Variants in ABLIM1 observed in about 807,000 individuals in gnomAD.
ABLIM1 encodes the protein actin-binding LIM protein 1.
ABLIM1 carries 40 observed loss-of-function variants against 107.0 expected under a neutral mutation model. The ratio of observed to expected loss-of-function variants is 0.37; its 90% CI spans 0.29 to 0.49. The LOEUF is 0.49. ABLIM1 is among the 20% of genes least tolerant of loss of function. The pLI is 0.97. For missense variants in ABLIM1, 857 were observed against 1,008.5 expected, an observed-to-expected ratio of 0.85 and a Z score of 2.04; for synonymous variants, 357 against 357.3, an observed-to-expected ratio of 1.00 and a Z score of 0.01.
intron 6 of ABLIM1, among the ~76,000 whole-genome samples, chr10:114,517,548 G>A (rs2063056161): frequency 6.6e-6 from 1 of 152,092 alleles, no homozygotes; most frequent in Non-Finnish European, 1.5e-5. Context: ...CCAAGTTTGT[G>A]GTGATCTATG....
At chr10:114,579,520 AATT>A (rs1193030953) in intron 2 of ABLIM1, among the ~76,000 whole-genome samples, 3 of 152,210 alleles carry the variant, frequency 2.0e-5, no homozygotes, top group African/African-American at 7.2e-5. Flanking sequence ...GAGGGTAAAG[AATT>A]ATTAATTTTT....
Position 114,743,031 on chromosome 10 carries a change from TGTTA to T in ABLIM1, c.-213+25026_-213+25029del, listed in dbSNP as rs566824073. Among the ~76,000 whole-genome samples, 255 of 152,332 alleles carry T rather than the reference TGTTA, an allele frequency of 1.7e-3. 1 individual carries two copies. The highest frequency in any genetic ancestry group is 2.4e-3 in the Non-Finnish European group (163 of 68,034). ...GCTTGGCACATTGTATCTCAAAAAA[TGTTA>T]GTTTGTTTTTGTAATTATTACCATT... On this transcript the variant is annotated intron_variant, in intron 1 of 15. Transcript: ENST00000651092.
intron 19 of ABLIM1, among the ~76,000 whole-genome samples, chr10:114,440,362 T>C (rs2060010533): frequency 6.6e-6 from 1 of 152,186 alleles, no homozygotes; most frequent in Non-Finnish European, 1.5e-5. Flanking sequence ...GCATCTCTGA[T>C]CCCAATGTTC....
chr10:114,583,446 C>A (rs952722612), intron 2 of ABLIM1, among the ~76,000 whole-genome samples: 1 of 41,560 alleles, frequency 2.4e-5, no homozygotes, highest in Non-Finnish European at 4.6e-5. Context: ...CACACACACA[C>A]ACACACACAC....
chr10:114,762,042 C>CA (rs1056524723), intron 1 of ABLIM1, among the ~76,000 whole-genome samples: 1 of 148,986 alleles, frequency 6.7e-6, no homozygotes, highest in Non-Finnish European at 1.5e-5. Context: ...TCAGGATATC[C>CA]TTTTTTTTTG....
At chr10:114,471,170 C>T (rs1227278970) in intron 10 of ABLIM1, among the ~76,000 whole-genome samples, 3 of 152,214 alleles carry the variant, frequency 2.0e-5, no homozygotes, top group Non-Finnish European at 2.9e-5. Flanking sequence ...GCTGGTATTA[C>T]GGACATGAGT....
At chr10:114,470,633 T>A (rs962125473) in intron 10 of ABLIM1, among the ~76,000 whole-genome samples, 1 of 152,200 alleles carries the variant, frequency 6.6e-6, no homozygotes, top group Non-Finnish European at 1.5e-5. Context: ...TTCCAGGTTA[T>A]GACAGTAAGT....
At chr10:114,566,114 CAGACTAGA>C (rs1338706728) in intron 4 of ABLIM1, among the ~76,000 whole-genome samples, 1 of 152,056 alleles carries the variant, frequency 6.6e-6, no homozygotes, top group Non-Finnish European at 1.5e-5. Flanking sequence ...TCAATTCAGT[CAGACTAGA>C]GCATTTGTCT....
intron 2 of ABLIM1, among the ~76,000 whole-genome samples, chr10:114,583,985 G>A (rs2073908952): frequency 6.6e-6 from 1 of 151,994 alleles, no homozygotes; most frequent in South Asian, 2.1e-4. Flanking sequence ...AAGCAGGCAG[G>A]GAAAGGTAGA....
intron 11 of ABLIM1, 149 bp downstream of exon 11, chr10:114,468,032 G>A (rs985695953): frequency 5.4e-5 from 37 of 679,560 alleles, no homozygotes; most frequent in South Asian, 4.3e-4. Flanking sequence ...CCTCTTTCAC[G>A]GAGGTAATCC....
chr10:114,776,306 T>A, the ABLIM1 span: 34 of 152,182 alleles, frequency 2.2e-4, no homozygotes, highest in African/African-American at 8.0e-4. Flanking sequence ...AAGCATATTT[T>A]TTCCTTTGTT....
At chr10:114,564,686 G>A (rs1032785102) in intron 4 of ABLIM1, among the ~76,000 whole-genome samples, 1 of 152,110 alleles carries the variant, frequency 6.6e-6, no homozygotes, top group Non-Finnish European at 1.5e-5. Context: ...TACAGACGAG[G>A]GCGCTGAGTT....
chr10:114,669,064 T>G (rs927563784), intron 1 of ABLIM1, among the ~76,000 whole-genome samples: 1 of 152,246 alleles, frequency 6.6e-6, no homozygotes, highest in Non-Finnish European at 1.5e-5. Flanking sequence ...TTAAAATGAA[T>G]CTTTCATTTA....
intron 6 of ABLIM1, among the ~76,000 whole-genome samples, chr10:114,493,569 A>G (rs1281093017): frequency 6.6e-6 from 1 of 152,230 alleles, no homozygotes; most frequent in Non-Finnish European, 1.5e-5. Flanking sequence ...TATAAAGATC[A>G]CGAATACAAA....
chr10:114,698,408 T>TAAAAAAAAA (rs34629916), intron 1 of ABLIM1, among the ~76,000 whole-genome samples: 2 of 116,928 alleles, frequency 1.7e-5, no homozygotes, highest in Non-Finnish European at 3.7e-5. Flanking sequence ...ATTAAAAATG[T>TAAAAAAAAA]AAAAAAAAAA....
intron 1 of ABLIM1, 138 bp downstream of exon 1, chr10:114,657,819 C>A: frequency 1.3e-6 from 1 of 753,294 alleles, no homozygotes; most frequent in Non-Finnish European, 2.1e-6. Context: ...CTCTCCCACC[C>A]TCACCCCCAT....
intron 4 of ABLIM1, among the ~76,000 whole-genome samples, chr10:114,562,730 T>C (rs1386442058): frequency 6.6e-6 from 1 of 152,194 alleles, no homozygotes; most frequent in Non-Finnish European, 1.5e-5. Context: ...GACCTCACCA[T>C]TCAGACCTGG....
chr10:114,653,642 T>C (rs1335843244), intron 1 of ABLIM1, among the ~76,000 whole-genome samples: 2 of 152,212 alleles, frequency 1.3e-5, no homozygotes, highest in Admixed American at 1.3e-4. Flanking sequence ...GTACTACATC[T>C]ACAGTCAGAA....
chr10:114,794,489 G>A, the ABLIM1 span, among the ~76,000 whole-genome samples: 1 of 152,108 alleles, frequency 6.6e-6, no homozygotes, highest in South Asian at 2.1e-4. Context: ...AAAATCAAAG[G>A]AATTTACAAA....
Sources: gnomAD v4.1 joint callset for allele counts (sites outside exome capture counted in the v4.1 genomes callset) on GRCh38, gnomAD v4.1.1 for gene constraint, MANE v1.5 for transcripts, NCBI Gene and HGNC (gene_info 2026-07-23, HGNC 2026-07-21) for gene names.